MTCL1: variants seen among roughly 807,000 people sequenced by gnomAD.
MTCL1 encodes microtubule crosslinking factor 1.
In MTCL1, 79 loss-of-function variants were observed where a neutral mutation model predicts 141.4. The observed-to-expected ratio is 0.56, with a 90% CI of 0.47 to 0.67. MTCL1 has a LOEUF of 0.67. Ranked by LOEUF, MTCL1 falls within the 30% of genes least tolerant of loss-of-function variation. The pLI, the probability that MTCL1 is intolerant of heterozygous loss-of-function variation, is 0.00. For synonymous variants in MTCL1, 914 were observed against 875.8 expected (o/e 1.04, Z -0.77); for missense variants, 2,177 against 2,113.9 (o/e 1.03, Z -0.59).
At chr18:8,753,544 G>A (rs16954083) in intron 4 of MTCL1, among the ~76,000 whole-genome samples, 15,449 of 152,152 alleles carry the variant, frequency 0.1, 1,958 homozygotes, top group African/African-American at 0.3. Flanking sequence ...GGATGCCTTT[G>A]AAAGACAGTC....
intron 4 of MTCL1, among the ~76,000 whole-genome samples, chr18:8,752,369 GA>G (rs1486091350): frequency 6.6e-6 from 1 of 152,184 alleles, no homozygotes; most frequent in African/African-American, 2.4e-5. Flanking sequence ...TGTACTAGTT[GA>G]ATAGGAACTG....
intron 4 of MTCL1, among the ~76,000 whole-genome samples, chr18:8,743,182 A>G (rs1206581113): frequency 1.3e-5 from 2 of 152,264 alleles, no homozygotes; most frequent in Non-Finnish European, 2.9e-5. Context: ...TCCTTAGTAC[A>G]GGACATTGTT....
intron 5 of MTCL1, among the ~76,000 whole-genome samples, 199 bp from the exon 5 acceptor site, chr18:8,783,331 C>G (rs1166427386): frequency 6.6e-6 from 1 of 151,728 alleles, no homozygotes; most frequent in Non-Finnish European, 1.5e-5. Flanking sequence ...GTAGGCCTTT[C>G]ACAGGCCCCC....
exon 1 of MTCL1, chr18:8,706,340 T>C (rs1218618181): frequency 2.4e-6 from 3 of 1,230,192 alleles, no homozygotes; most frequent in Non-Finnish European, 3.0e-6. Flanking sequence ...CAGCGCCTGC[T>C]CCCTGCCGCC....
chr18:8,759,024 G>T (rs571908436), intron 4 of MTCL1, among the ~76,000 whole-genome samples: 3 of 152,150 alleles, frequency 2.0e-5, no homozygotes, highest in Non-Finnish European at 4.4e-5. Flanking sequence ...GACAGCAGGG[G>T]GTGTGGAGAG....
chr18:8,734,570 A>G (rs950996132), intron 4 of MTCL1, among the ~76,000 whole-genome samples: 1 of 151,784 alleles, frequency 6.6e-6, no homozygotes, highest in Admixed American at 6.6e-5. Flanking sequence ...CTTTTGCAAA[A>G]CACCCTTTTA....
At chr18:8,819,029 C>T (rs371223585) in exon 13 of MTCL1, 12 of 1,614,158 alleles carry the variant, frequency 7.4e-6, no homozygotes, top group East Asian at 4.5e-5. Context: ...CGGCAACGTT[C>T]GCCCCTTTCC....
intron 4 of MTCL1, among the ~76,000 whole-genome samples, chr18:8,729,644 T>A (rs921868187): frequency 1.2e-4 from 13 of 111,850 alleles, no homozygotes; most frequent in African/African-American, 4.1e-4. Context: ...ACTCAAGTGA[T>A]CCTCTCACTT....
intron 4 of MTCL1, among the ~76,000 whole-genome samples, chr18:8,757,511 T>C (rs1411564445): frequency 6.6e-6 from 1 of 152,066 alleles, no homozygotes; most frequent in East Asian, 1.9e-4. Flanking sequence ...AAAACAAAAA[T>C]AGAAGAGGCT....
At chr18:8,735,096 A>G (rs1337274200) in intron 4 of MTCL1, among the ~76,000 whole-genome samples, 2 of 152,186 alleles carry the variant, frequency 1.3e-5, no homozygotes, top group African/African-American at 2.4e-5. Flanking sequence ...TAATTACTCT[A>G]ATAAGTTAAT....
chr18:8,736,209 C>T (rs2096273884), intron 4 of MTCL1, among the ~76,000 whole-genome samples: 1 of 152,158 alleles, frequency 6.6e-6, no homozygotes, highest in Non-Finnish European at 1.5e-5. Context: ...TGCCATAGAT[C>T]ATAACATGCA....
At chr18:8,739,203 C>T (rs2096288929) in intron 4 of MTCL1, among the ~76,000 whole-genome samples, 1 of 152,114 alleles carries the variant, frequency 6.6e-6, no homozygotes, top group Non-Finnish European at 1.5e-5. Context: ...TTTGATGATA[C>T]CACTGCACTC....
intron 14 of MTCL1, among the ~76,000 whole-genome samples, chr18:8,821,892 A>C (rs1196320767): frequency 6.6e-6 from 1 of 152,078 alleles, no homozygotes; most frequent in Non-Finnish European, 1.5e-5. Flanking sequence ...CACTAAGAGA[A>C]TTTATTAAAA....
chr18:8,796,302 C>T (rs1019901973), exon 9 of MTCL1: 1 of 1,614,158 alleles, frequency 6.2e-7, no homozygotes, highest in African/African-American at 1.3e-5. Flanking sequence ...TTGCAAAACA[C>T]CCTCCATGAG....
chr18:8,800,108 G>A (rs1211101341), intron 10 of MTCL1, among the ~76,000 whole-genome samples: 1 of 152,194 alleles, frequency 6.6e-6, no homozygotes, highest in Non-Finnish European at 1.5e-5. Flanking sequence ...GAAGATGGAC[G>A]AGCTCTACTG....
upstream of MTCL1, among the ~76,000 whole-genome samples, chr18:8,715,904 A>G (rs2096125702): frequency 6.6e-6 from 1 of 152,174 alleles, no homozygotes; most frequent in South Asian, 2.1e-4. Flanking sequence ...ACTGTCCTGA[A>G]AGAGCTGTGT....
At chr18:8,785,872 GTTTGTTTT>G in intron 6 of MTCL1, 56 bp from the exon 6 acceptor site, 1 of 1,515,324 alleles carries the variant, frequency 6.6e-7, no homozygotes, top group Non-Finnish European at 8.8e-7. Context: ...TCCTTTGTTT[GTTTGTTTT>G]TTTGTTTAAA....
chr18:8,824,855 C>T (rs1305018691), exon 15 of MTCL1: 1 of 1,613,982 alleles, frequency 6.2e-7, no homozygotes, highest in Non-Finnish European at 8.5e-7. Flanking sequence ...TCAACAAGAG[C>T]TGGGACTACA....
intron 4 of MTCL1, among the ~76,000 whole-genome samples, chr18:8,735,018 C>T (rs1406279822): frequency 2.6e-5 from 4 of 152,158 alleles, no homozygotes; most frequent in East Asian, 1.9e-4. Context: ...CATGAGGCTT[C>T]GGAGTCACTT....
Sources: gnomAD v4.1 joint callset for allele counts (sites outside exome capture counted in the v4.1 genomes callset) on GRCh38, gnomAD v4.1.1 for gene constraint, MANE v1.5 for transcripts, NCBI Gene and HGNC (gene_info 2026-07-23, HGNC 2026-07-21) for gene names.